Variants in ADAMTS2 observed in about 807,000 individuals in gnomAD.
The protein encoded by ADAMTS2 is A disintegrin and metalloproteinase with thrombospondin motifs 2.
A neutral mutation model predicts 123.0 loss-of-function variants in ADAMTS2; 50 were observed. That is an observed-to-expected ratio of 0.41 (90% CI 0.32 to 0.51). The LOEUF (loss-of-function observed/expected upper bound fraction) is 0.51. Among genes scored for constraint, ADAMTS2 ranks in the 20% least tolerant of loss-of-function variants. The pLI is 0.35. For synonymous variants in ADAMTS2, 678 were observed against 695.4 expected (o/e 0.98, Z 0.39); for missense variants, 1,494 against 1,705.2 (o/e 0.88, Z 2.18).
chr5:179,258,473 A>C (rs1343237780), intron 3 of ADAMTS2, among the ~76,000 whole-genome samples: 2 of 152,064 alleles, frequency 1.3e-5, no homozygotes, highest in Non-Finnish European at 2.9e-5. Flanking sequence ...TGGCCACCCC[A>C]GCCTCGGCCC....
chr5:179,278,226 T>C (rs1323322262), intron 2 of ADAMTS2, among the ~76,000 whole-genome samples: 1 of 140,286 alleles, frequency 7.1e-6, no homozygotes, highest in Non-Finnish European at 1.5e-5. Flanking sequence ...CCAAGACCGC[T>C]GGCCAGAATA....
rs532717236 is a variant in ADAMTS2, at chr5:179,314,198, A to G, written c.534+29569T>C. Among the ~76,000 whole-genome samples the G allele has an allele frequency of 7.9e-5, 12 of 152,360 alleles. No individual in the cohort carries two copies. The East Asian group carries it at 2.3e-3, about 29-fold the overall frequency. On this transcript the variant is annotated intron_variant, in intron 2 of 21. Transcript: ENST00000251582. This position sits in a 1 kb window ranked among gnomAD's most constrained non-coding sequence, Gnocchi z 4.5. ...GGCCAGGGCCAGGGCCAGGACTGGC[A>G]TTTCCCGGGCTCCTGGTCCCATCCT...
Position 179,236,818 on chromosome 5 carries a change from A to G in ADAMTS2, c.689-29103T>C, listed in dbSNP as rs369659136. On this transcript the variant is annotated intron_variant, in intron 3 of 21. Coordinates refer to ENST00000251582, the MANE Select transcript of ADAMTS2 (RefSeq NM_014244.5). ...AAAAAAGAATTTCCCCCTTCGATGT[A>G]TGCTATGGACTGAATATTTGTACCC... is the stretch of plus-strand genomic sequence containing the variant. Among the ~76,000 whole-genome samples, 52 of 152,224 alleles carry G rather than the reference A, an allele frequency of 3.4e-4. No homozygotes were observed. The South Asian group carries it at 0.01, about 30-fold the overall frequency.
At position 179,180,556 on chromosome 5, in the gene ADAMTS2, C is replaced by A. The variant is rs1764020752; in HGVS notation, c.975+516G>T. Among the ~76,000 whole-genome samples, 1 of 152,174 alleles carries A rather than the reference C, an allele frequency of 6.6e-6. No homozygotes were observed. Among genetic ancestry groups the A allele is most frequent in the South Asian group, 2.1e-4 (1 of 4,828 alleles). ...ATTTTTCAGATACAAACCAACCAAT[C>A]CAGCGCCCATGTCCCCAGCCACCTC... On this transcript the variant is annotated intron_variant, in intron 5 of 21. Transcript: ENST00000251582. This position sits in a 1 kb window ranked among gnomAD's most constrained non-coding sequence, Gnocchi z 4.6.
Position 179,259,808 on chromosome 5 carries a change from C to T in ADAMTS2, c.688+13103G>A, listed in dbSNP as rs1038984784. 2.0e-5 allele frequency among the ~76,000 whole-genome samples: 3 copies of T among 152,214 alleles called. No individual in the cohort carries two copies. The South Asian group carries it at 6.2e-4, about 32-fold the overall frequency. On this transcript the variant is annotated intron_variant, in intron 3 of 21. Coordinates refer to ENST00000251582, the MANE Select transcript of ADAMTS2 (RefSeq NM_014244.5). The stretch of plus-strand genomic sequence containing the variant: ...AAGGGAGCCCGTGTCTACTGGGCAC[C>T]CCCAATTTTGGCCACTGTGCAGTGC...
At chr5:179,248,035 T>C (rs1765843491) in intron 3 of ADAMTS2, among the ~76,000 whole-genome samples, 1 of 152,188 alleles carries the variant, frequency 6.6e-6, no homozygotes, top group Non-Finnish European at 1.5e-5. Flanking sequence ...GCAATAATTA[T>C]AAATCTACAT....
chr5:179,205,757 GTTATTATTATTA>G (rs148528271), intron 4 of ADAMTS2, among the ~76,000 whole-genome samples: 2 of 115,938 alleles, frequency 1.7e-5, no homozygotes, highest in African/African-American at 5.7e-5. Context: ...TGGTTTTATT[GTTATTATTATTA>G]TTATTATTAT....
chr5:179,187,367 C>T (rs779931052), intron 4 of ADAMTS2, among the ~76,000 whole-genome samples: 12 of 152,238 alleles, frequency 7.9e-5, no homozygotes, highest in African/African-American at 2.2e-4. Context: ...GCGGCTAGCC[C>T]GGCTGCTCCT....
rs1327595594 is a variant in ADAMTS2 at position 179,155,913 on chromosome 5, G to A, written c.1133-994C>T. Among the ~76,000 whole-genome samples the A allele has an allele frequency of 2.6e-5, 4 of 152,098 alleles. No homozygotes were observed. The highest frequency in any genetic ancestry group is 2.1e-4 in the South Asian group (1 of 4,810). Reference sequence around the variant, plus strand: ...AGGGAAGGAGGGCCACTGGGACCCCGGGTGAGCTGGCGGTGTACGCGCCTA... The same window carrying A: ...AGGGAAGGAGGGCCACTGGGACCCCAGGTGAGCTGGCGGTGTACGCGCCTA... On this transcript the variant is annotated intron_variant, in intron 6 of 21. Coordinates refer to ENST00000251582, the MANE Select transcript of ADAMTS2 (RefSeq NM_014244.5). This position sits in a 1 kb window ranked among gnomAD's most constrained non-coding sequence, Gnocchi z 5.1.
In ADAMTS2 at chr5:179,343,831, T is replaced by C. The variant is rs1045091899; in HGVS notation, c.470A>G (p.Tyr157Cys). ...GGCTAGGCCGGCCACGTCTCCGACG[T>C]AGAGACAGCTCCCGAGCAGGGGCTC... ...RVEPLLGSCLYVGDVAGLAEA... is the reference protein window; with the variant it reads ...RVEPLLGSCLCVGDVAGLAEA... Residue 157 changes from tyrosine to cysteine, a missense_variant, in exon 2 of 22, where the codon TAC (tyrosine) becomes TGC (cysteine). Tyr to Cys is a radical substitution (Grantham distance 194). This residue lies in a region of ADAMTS2 where 237 missense variants were observed against 233.7 expected (regional missense o/e 1.01). Transcript: ENST00000251582. 4 of 1,608,384 alleles carry C rather than the reference T, an allele frequency of 2.5e-6. No homozygotes were observed. The highest frequency in any genetic ancestry group is 1.1e-5 in the South Asian group (1 of 90,198).
At chr5:179,229,050 G>A (rs1765351189) in intron 3 of ADAMTS2, among the ~76,000 whole-genome samples, 1 of 152,088 alleles carries the variant, frequency 6.6e-6, no homozygotes, top group Non-Finnish European at 1.5e-5. Context: ...ACCTCCAGCT[G>A]TGCACCTCGG....
chr5:179,159,583 C>A (rs1763558001), intron 5 of ADAMTS2, among the ~76,000 whole-genome samples: 1 of 152,204 alleles, frequency 6.6e-6, no homozygotes, highest in Non-Finnish European at 1.5e-5. Flanking sequence ...CGGGAACCAT[C>A]CCATTCCATT....
intron 2 of ADAMTS2, among the ~76,000 whole-genome samples, chr5:179,302,530 G>A (rs888310002): frequency 2.0e-5 from 3 of 152,020 alleles, no homozygotes; most frequent in South Asian, 4.2e-4. Context: ...TGGCCCAGTG[G>A]GTCCGGCTTC....
intron 3 of ADAMTS2, among the ~76,000 whole-genome samples, chr5:179,245,602 T>G (rs377417425): frequency 2.2e-4 from 33 of 148,742 alleles, no homozygotes; most frequent in Admixed American, 6.0e-4. Flanking sequence ...CCGTCTCTAC[T>G]AAAAATACAA....
intron 2 of ADAMTS2, among the ~76,000 whole-genome samples, chr5:179,341,553 AT>A (rs1316972543): frequency 6.6e-6 from 1 of 151,748 alleles, no homozygotes; most frequent in African/African-American, 2.4e-5. Context: ...TAAAAAAAAA[AT>A]AAAAAAAAAT....
At chr5:179,253,405 A>G (rs947914962) in intron 3 of ADAMTS2, among the ~76,000 whole-genome samples, 2 of 152,074 alleles carry the variant, frequency 1.3e-5, no homozygotes, top group Admixed American at 1.3e-4. Context: ...GCACTTTGGG[A>G]GGCCAAGGTG....
rs1173973157 is a variant in ADAMTS2 at position 179,302,396 on chromosome 5, A to T, written c.535-29332T>A. On this transcript the variant is annotated intron_variant, in intron 2 of 21. Transcript: ENST00000251582. ...GACCGTCTCAAAAAAAAAAAAAAAA[A>T]AAAAAAAAAAAGCGGGGGAGTGATA... Among the ~76,000 whole-genome samples the T allele has an allele frequency of 1.1e-4, 16 of 150,232 alleles. 1 individual carries two copies. The highest frequency in any genetic ancestry group is 3.4e-4 in the African/African-American group (14 of 40,888).
rs532207723 is a variant in ADAMTS2, at chr5:179,113,973, G to A, written c.3530C>T (p.Pro1177Leu). The A allele has an allele frequency of 1.1e-4, 173 of 1,614,078 alleles. 3 individuals are homozygous for A. In the South Asian group the frequency reaches 1.8e-3, roughly 17 times the overall value. The change falls in exon 22 of 22, where the codon CCC becomes CTC. Residue 1177 changes from proline to leucine, a missense_variant. Physicochemically the swap from Pro to Leu is moderately conservative, Grantham distance 98. This residue lies in a region of ADAMTS2 where 953 missense variants were observed against 1,124.7 expected (regional missense o/e 0.85). Coordinates refer to ENST00000251582, the MANE Select transcript of ADAMTS2 (RefSeq NM_014244.5). ...IHGLEDEVQPPNLIPRRPSPY... is the reference protein window; with the variant it reads ...IHGLEDEVQPLNLIPRRPSPY... ...GCTCGGTCGTCGAGGGATTAGGTTG[G>A]GTGGCTGGACTTCATCTTCCAGGCC...
chr5:179,265,835 C>T (rs570436506), intron 3 of ADAMTS2, among the ~76,000 whole-genome samples: 2 of 152,264 alleles, frequency 1.3e-5, no homozygotes, highest in Non-Finnish European at 2.9e-5. Flanking sequence ...CTCCCGGAGC[C>T]GCCTCGGGTT....
Sources: allele counts gnomAD v4.1 joint callset (sites outside exome capture counted in the v4.1 genomes callset), GRCh38; gene constraint gnomAD v4.1.1; regional missense constraint gnomAD v4.1.1; non-coding constraint Gnocchi (gnomAD v3.1); transcripts MANE v1.5; gene names NCBI Gene and HGNC (gene_info 2026-07-23, HGNC 2026-07-21).